PTPRN2: variants seen among roughly 807,000 people sequenced by gnomAD.
PTPRN2 encodes the protein protein tyrosine phosphatase receptor type N2.
Under a neutral mutation model 118.8 loss-of-function variants are expected in PTPRN2, and 74 were observed. That is an observed-to-expected ratio of 0.62 (90% confidence interval 0.52 to 0.76). The LOEUF (loss-of-function observed/expected upper bound fraction) is 0.76, where lower values mean the gene tolerates loss of function less well. Ranked by LOEUF, PTPRN2 falls within the 30% of genes least tolerant of loss-of-function variation. PTPRN2 has a pLI of 0.00. For missense variants in PTPRN2, 1,481 were observed against 1,394.4 expected (o/e 1.06, Z -0.99); for synonymous variants, 641 against 608.0 (o/e 1.05, Z -0.80).
chr7:158,149,605 C>G (rs760860453), intron 6 of PTPRN2, among the ~76,000 whole-genome samples: 2 of 152,060 alleles, frequency 1.3e-5, no homozygotes, highest in African/African-American at 2.4e-5. Context: ...GAGTTCGAGA[C>G]CAGCCTGGCC....
chr7:157,758,255 G>A (rs1382747031), intron 12 of PTPRN2, among the ~76,000 whole-genome samples: 2 of 152,244 alleles, frequency 1.3e-5, no homozygotes. Flanking sequence ...TGACGAGCGT[G>A]GTGTTGCCCA....
intron 6 of PTPRN2, among the ~76,000 whole-genome samples, chr7:158,166,317 CCGCG>C (rs1822980729): frequency 3.7e-5 from 1 of 26,890 alleles, no homozygotes; most frequent in African/African-American, 1.0e-4. Flanking sequence ...CCCCCGGCCG[CCGCG>C]TTCCCTGTCC....
In PTPRN2 at chr7:158,529,408, G is replaced by A. The variant is rs143219683; in HGVS notation, c.113-39623C>T. ...GGGAAGGCCCAGGGGAGGCCAGCAG[G>A]AGGACGGACTCACCAGGACACCCCC... is the stretch of plus-strand genomic sequence containing the variant. On this transcript the variant is annotated intron_variant, in intron 1 of 22. Coordinates refer to ENST00000389418, the MANE Select transcript of PTPRN2 (RefSeq NM_002847.5). The surrounding 1 kb of genome is among the most constrained non-coding windows in gnomAD (Gnocchi z 4.7). Among the ~76,000 whole-genome samples, 50 of 152,360 alleles carry A rather than the reference G, an allele frequency of 3.3e-4. No homozygotes were observed. Among genetic ancestry groups the A allele is most frequent in the African/African-American group, 1.2e-3 (50 of 41,586 alleles).
intron 11 of PTPRN2, among the ~76,000 whole-genome samples, chr7:157,924,894 TAGTCA>T: frequency 6.7e-6 from 1 of 148,270 alleles, no homozygotes. Context: ...TATTGAAATG[TAGTCA>T]GGATGCAGGC....
chr7:157,695,751 T>C (rs1044037039), intron 12 of PTPRN2, among the ~76,000 whole-genome samples: 2 of 152,226 alleles, frequency 1.3e-5, no homozygotes, highest in African/African-American at 4.8e-5. Flanking sequence ...CAGACACTAG[T>C]GAGAAGTCCT....
intron 4 of PTPRN2, among the ~76,000 whole-genome samples, chr7:158,204,053 C>T (rs1193955845): frequency 6.6e-6 from 1 of 151,562 alleles, no homozygotes; most frequent in Non-Finnish European, 1.5e-5. Context: ...GGGAAAGACA[C>T]GGCCCCTGCC....
chr7:157,900,495 C>T (rs915062686), intron 11 of PTPRN2, among the ~76,000 whole-genome samples: 4 of 152,224 alleles, frequency 2.6e-5, no homozygotes, highest in Admixed American at 6.5e-5. Flanking sequence ...AATCCAGACA[C>T]TTCGGTGGCC....
At chr7:157,958,184 G>C (rs965327239) in intron 11 of PTPRN2, among the ~76,000 whole-genome samples, 11 of 152,116 alleles carry the variant, frequency 7.2e-5, no homozygotes, top group African/African-American at 2.7e-4. Flanking sequence ...AAAAGCATCT[G>C]ACAAAATTCA....
Position 157,725,243 on chromosome 7 carries a change from T to C in PTPRN2, c.1789-42306A>G, listed in dbSNP as rs57942709. Among the ~76,000 whole-genome samples, 129 of 128,914 alleles carry C rather than the reference T, an allele frequency of 1.0e-3. 1 individual carries two copies. Among genetic ancestry groups the C allele is most frequent in the African/African-American group, 1.8e-3 (51 of 29,124 alleles). The allele number at this position is 128,914 out of a possible 152,430, so 84.6% of individuals were successfully genotyped here. ...CCTCGCCTCCCAGGAGAACTGGATA[T>C]CCACATGCAGAGGAGTGAGCCAGAC... On this transcript the variant is annotated intron_variant, in intron 12 of 22. Coordinates refer to ENST00000389418, the MANE Select transcript of PTPRN2 (RefSeq NM_002847.5).
chr7:157,614,908 C>T (rs1346209632), intron 15 of PTPRN2, among the ~76,000 whole-genome samples: 1 of 152,244 alleles, frequency 6.6e-6, no homozygotes, highest in African/African-American at 2.4e-5. Context: ...TTCACCTGCT[C>T]ATCTGCTGTC....
intron 11 of PTPRN2, among the ~76,000 whole-genome samples, chr7:158,076,205 G>T (rs902936593): frequency 5.9e-5 from 9 of 152,236 alleles, no homozygotes; most frequent in African/African-American, 2.2e-4. Context: ...TCATGGCTCA[G>T]GAGTTCCTCT....
intron 11 of PTPRN2, among the ~76,000 whole-genome samples, chr7:158,071,557 TGGA>T (rs1811686626): frequency 3.8e-5 from 1 of 26,250 alleles, no homozygotes. Flanking sequence ...CTCCTGGTGG[TGGA>T]GGTGCTCCTG....
intron 11 of PTPRN2, among the ~76,000 whole-genome samples, chr7:157,908,606 TGTC>T (rs1315649880): frequency 1.3e-5 from 2 of 152,230 alleles, no homozygotes; most frequent in African/African-American, 4.8e-5. Flanking sequence ...TTTCCACGTC[TGTC>T]GAGACAGGAC....
intron 20 of PTPRN2, among the ~76,000 whole-genome samples, chr7:157,569,797 T>C (rs1799670904): frequency 6.6e-6 from 1 of 152,254 alleles, no homozygotes; most frequent in African/African-American, 2.4e-5. Context: ...AGGGCTCGTG[T>C]TCACACCCAT....
chr7:157,551,527 C>T (rs1798600105), intron 21 of PTPRN2, among the ~76,000 whole-genome samples: 1 of 135,856 alleles, frequency 7.4e-6, no homozygotes, highest in African/African-American at 2.8e-5. Flanking sequence ...CACTATCACA[C>T]ACCCCACACA....
At chr7:157,991,030 C>T (rs1054865877) in intron 11 of PTPRN2, among the ~76,000 whole-genome samples, 1 of 152,204 alleles carries the variant, frequency 6.6e-6, no homozygotes, top group Non-Finnish European at 1.5e-5. Flanking sequence ...CATGAGGGCA[C>T]TGCTCATCTC....
chr7:158,300,396 C>A (rs1009873464), intron 3 of PTPRN2, among the ~76,000 whole-genome samples: 2 of 152,002 alleles, frequency 1.3e-5, no homozygotes, highest in Non-Finnish European at 2.9e-5. Flanking sequence ...TCGCCAGGGG[C>A]CTGTGTGCAG....
At chr7:158,201,619 C>T (rs79229692) in intron 4 of PTPRN2, among the ~76,000 whole-genome samples, 6,592 of 152,158 alleles carry the variant, frequency 0.043, 470 homozygotes, top group African/African-American at 0.15. Flanking sequence ...CTTTTAGGTC[C>T]AATAAGAAGC....
Position 157,627,143 on chromosome 7 carries a change from C to T in PTPRN2, c.2197-5634G>A, listed in dbSNP as rs1300974833. 1.3e-5 allele frequency among the ~76,000 whole-genome samples: 2 copies of T among 152,274 alleles called. No homozygotes were observed. The highest frequency in any genetic ancestry group is 4.8e-5 in the African/African-American group (2 of 41,472). Reference sequence around the variant, plus strand: ...TGCTCCATCTCCCCTGGAGCCTTCTCAGTGGCCTCCAGGCACCAGTGTGCA... The same window carrying T: ...TGCTCCATCTCCCCTGGAGCCTTCTTAGTGGCCTCCAGGCACCAGTGTGCA... On this transcript the variant is annotated intron_variant, in intron 14 of 22. Coordinates refer to ENST00000389418, the MANE Select transcript of PTPRN2 (RefSeq NM_002847.5). The surrounding 1 kb of genome is among the most constrained non-coding windows in gnomAD (Gnocchi z 4.2).
Sources: allele counts gnomAD v4.1 joint callset (sites outside exome capture counted in the v4.1 genomes callset), GRCh38; gene constraint gnomAD v4.1.1; non-coding constraint Gnocchi (gnomAD v3.1); transcripts MANE v1.5; gene names NCBI Gene and HGNC (gene_info 2026-07-23, HGNC 2026-07-21).